The following RCAN2 variants were observed in gnomAD, a reference collection of about 807,000 sequenced individuals.
The protein encoded by RCAN2 is calcipressin-2.
A neutral mutation model predicts 23.6 loss-of-function variants in RCAN2; 9 were observed. The ratio of observed to expected loss-of-function variants is 0.38; its 90% confidence interval spans 0.23 to 0.67. The LOEUF is 0.67. RCAN2 is among the 30% of genes least tolerant of loss of function. RCAN2 has a pLI of 0.51. For missense variants in RCAN2, 273 were observed against 302.3 expected (o/e 0.90, Z 0.72); for synonymous variants, 109 against 115.7 (o/e 0.94, Z 0.37).
chr6:46,467,631 A>G (rs1008464281), intron 1 of RCAN2, among the ~76,000 whole-genome samples: 3 of 151,726 alleles, frequency 2.0e-5, no homozygotes, highest in African/African-American at 7.3e-5. Context: ...TGGCACTGCC[A>G]CTTTCTAGCT....
At chr6:46,345,363 A>C (rs9395174) in intron 2 of RCAN2, among the ~76,000 whole-genome samples, 64,037 of 151,894 alleles carry the variant, frequency 0.42, 14,934 homozygotes, top group East Asian at 0.6. Context: ...AGAAAAGATG[A>C]AGATTTGAAC....
At chr6:46,488,803 A>G (rs1251721193) in intron 1 of RCAN2, among the ~76,000 whole-genome samples, 1 of 152,178 alleles carries the variant, frequency 6.6e-6, no homozygotes. Flanking sequence ...CCTCCCCCTG[A>G]AATGGCTCTG....
rs529142197 is a variant in RCAN2, at chr6:46,463,107, G to C, written c.-2-6129C>G. 3.7e-4 allele frequency among the ~76,000 whole-genome samples: 56 copies of C among 152,270 alleles called. No homozygotes were observed. In the Middle Eastern group the frequency reaches 0.01, roughly 28 times the overall value. On this transcript the variant is annotated intron_variant, in intron 1 of 4. Coordinates refer to ENST00000371374, the MANE Select transcript of RCAN2 (RefSeq NM_001251974.2). ...CAGAAAGGGTTGGGTGGTGATAATC[G>C]CATCTAGAGTCTTGGCAACCTGGAG...
chr6:46,281,821 T>C (rs1474330646), intron 2 of RCAN2, among the ~76,000 whole-genome samples: 3 of 150,144 alleles, frequency 2.0e-5, no homozygotes. Context: ...TAAGGAAATA[T>C]TAGTGCCCCC....
At position 46,248,703 on chromosome 6, in the gene RCAN2, T is replaced by G. The variant is rs996959996; in HGVS notation, c.399+20A>C. ...ATAATGTAGGGCAAAAAGAATAACT[T>G]TGGTAAACAATTACCTTACCTGTGC... On this transcript the variant is annotated intron_variant, in intron 3 of 4. Transcript: ENST00000371374. 6.5e-7 allele frequency: 1 copy of G among 1,545,650 alleles called. No homozygotes were observed. The highest frequency in any genetic ancestry group is 8.7e-7 in the Non-Finnish European group (1 of 1,144,356).
At chr6:46,336,520 G>A (rs1764151047) in intron 2 of RCAN2, among the ~76,000 whole-genome samples, 1 of 152,316 alleles carries the variant, frequency 6.6e-6, no homozygotes, top group Non-Finnish European at 1.5e-5. Flanking sequence ...AGCCTTGTAG[G>A]CAAGGATAGG....
At chr6:46,282,955 A>G (rs1454569924) in intron 2 of RCAN2, among the ~76,000 whole-genome samples, 1 of 152,216 alleles carries the variant, frequency 6.6e-6, no homozygotes, top group Non-Finnish European at 1.5e-5. Flanking sequence ...TCCAGAAGTA[A>G]GAAATCTTAA....
chr6:46,324,045 T>C (rs1763709916), intron 2 of RCAN2, among the ~76,000 whole-genome samples: 1 of 152,238 alleles, frequency 6.6e-6, no homozygotes, highest in African/African-American at 2.4e-5. Context: ...GATGTCTCTC[T>C]ACCTGGTTAC....
intron 4 of RCAN2, among the ~76,000 whole-genome samples, chr6:46,244,001 C>T (rs533849428): frequency 1.9e-4 from 29 of 152,158 alleles, no homozygotes; most frequent in South Asian, 4.2e-4. Flanking sequence ...TGAAATCTGA[C>T]GATGTCACCA....
intron 2 of RCAN2, among the ~76,000 whole-genome samples, chr6:46,373,748 G>T (rs1765389214): frequency 2.6e-5 from 4 of 152,136 alleles, no homozygotes; most frequent in Admixed American, 2.6e-4. Context: ...TCTTCAGGAA[G>T]AACTTTTTGA....
At chr6:46,428,944 C>T (rs1767111881) in intron 2 of RCAN2, among the ~76,000 whole-genome samples, 1 of 152,166 alleles carries the variant, frequency 6.6e-6, no homozygotes, top group Non-Finnish European at 1.5e-5. Flanking sequence ...AGAGTAAATT[C>T]ATATGGCCAA....
intron 2 of RCAN2, among the ~76,000 whole-genome samples, chr6:46,388,438 C>T (rs765245123): frequency 6.6e-6 from 1 of 151,948 alleles, no homozygotes; most frequent in African/African-American, 2.4e-5. Context: ...CCCAGTAAGC[C>T]CATTACTGGA....
chr6:46,287,973 G>A (rs1762426002), intron 2 of RCAN2, among the ~76,000 whole-genome samples: 2 of 152,298 alleles, frequency 1.3e-5, no homozygotes, highest in Admixed American at 6.5e-5. Flanking sequence ...GGATATTAAT[G>A]TCTATCCTTC....
intron 4 of RCAN2, among the ~76,000 whole-genome samples, chr6:46,224,214 G>A (rs560834934): frequency 6.6e-6 from 1 of 152,084 alleles, no homozygotes; most frequent in Non-Finnish European, 1.5e-5. Flanking sequence ...GTAAGAGGAG[G>A]GGGTATTCTC....
At chr6:46,285,438 G>A (rs1301154605) in intron 2 of RCAN2, among the ~76,000 whole-genome samples, 2 of 152,198 alleles carry the variant, frequency 1.3e-5, no homozygotes, top group African/African-American at 4.8e-5. Context: ...TACCTGGAGA[G>A]CTGTTAGCAA....
intron 2 of RCAN2, among the ~76,000 whole-genome samples, chr6:46,408,297 G>C (rs1210761402): frequency 6.6e-6 from 1 of 152,172 alleles, no homozygotes; most frequent in Non-Finnish European, 1.5e-5. Context: ...AAACAGCTGT[G>C]ATGACTGCAG....
intron 2 of RCAN2, among the ~76,000 whole-genome samples, chr6:46,317,348 G>A (rs1763472241): frequency 6.6e-6 from 1 of 152,132 alleles, no homozygotes; most frequent in Non-Finnish European, 1.5e-5. Context: ...CACCACTTCT[G>A]ATAAGAAATA....
intron 4 of RCAN2, among the ~76,000 whole-genome samples, chr6:46,226,545 A>G (rs377420405): frequency 6.6e-6 from 1 of 152,092 alleles, no homozygotes; most frequent in African/African-American, 2.4e-5. Context: ...CTCTTTGAAG[A>G]AATTGTGAAT....
chr6:46,460,056 G>GT (rs143690465), intron 1 of RCAN2, among the ~76,000 whole-genome samples: 4,667 of 148,118 alleles, frequency 0.032, 127 homozygotes, highest in South Asian at 0.12. Flanking sequence ...CTCTGTTGTT[G>GT]TTTTTTTTTT....
Sources: gnomAD v4.1 joint callset for allele counts (sites outside exome capture counted in the v4.1 genomes callset) on GRCh38, gnomAD v4.1.1 for gene constraint, MANE v1.5 for transcripts, NCBI Gene and HGNC (gene_info 2026-07-23, HGNC 2026-07-21) for gene names.